CREB3L2: variants seen among roughly 807,000 people sequenced by gnomAD.
The protein encoded by CREB3L2 is cAMP responsive element binding protein 3 like 2.
In CREB3L2, 23 loss-of-function variants were observed where a neutral mutation model predicts 57.2. The ratio of observed to expected loss-of-function variants is 0.40; its 90% CI spans 0.29 to 0.57. CREB3L2 has a LOEUF of 0.57. CREB3L2 is among the 20% of genes least tolerant of loss of function. The pLI is 0.42. For missense variants in CREB3L2, 628 were observed against 634.7 expected (o/e 0.99, Z 0.11); for synonymous variants, 268 against 265.1 (o/e 1.01, Z -0.11).
chr7:137,964,510 T>C (rs1026388569), intron 1 of CREB3L2, among the ~76,000 whole-genome samples: 2 of 152,128 alleles, frequency 1.3e-5, no homozygotes, highest in East Asian at 1.9e-4. Flanking sequence ...TATTGACCCA[T>C]CAAATACAAA....
At chr7:137,919,355 A>G (rs1425985655) in intron 2 of CREB3L2, among the ~76,000 whole-genome samples, 2 of 152,078 alleles carry the variant, frequency 1.3e-5, no homozygotes, top group Admixed American at 1.3e-4. Context: ...TATTTTTAGT[A>G]GAGACGGGGT....
chr7:137,967,523 C>T (rs1442960154), intron 1 of CREB3L2, among the ~76,000 whole-genome samples: 1 of 152,162 alleles, frequency 6.6e-6, no homozygotes, highest in East Asian at 1.9e-4. Context: ...GTCACTCCCC[C>T]AACCCTAGCT....
chr7:137,997,098 G>A (rs1463989961), intron 1 of CREB3L2, among the ~76,000 whole-genome samples: 2 of 152,094 alleles, frequency 1.3e-5, no homozygotes, highest in African/African-American at 2.4e-5. Flanking sequence ...TTCATCCAAC[G>A]CCTCCACTGA....
chr7:137,929,870 A>C (rs887540956), intron 1 of CREB3L2, among the ~76,000 whole-genome samples: 1 of 149,700 alleles, frequency 6.7e-6, no homozygotes, highest in Admixed American at 6.6e-5. Context: ...CTCCATCTCA[A>C]AATAAATAAA....
At chr7:137,897,401 G>A (rs532335260) in intron 8 of CREB3L2, among the ~76,000 whole-genome samples, 4 of 152,208 alleles carry the variant, frequency 2.6e-5, no homozygotes, top group East Asian at 1.9e-4. Context: ...ACAGAGTCTC[G>A]CTCTGTCGCC....
At chr7:137,921,873 C>T (rs970937012) in intron 2 of CREB3L2, among the ~76,000 whole-genome samples, 2 of 152,060 alleles carry the variant, frequency 1.3e-5, no homozygotes, top group Non-Finnish European at 2.9e-5. Context: ...CAGGCCCAAG[C>T]GATCCTGCCG....
intron 2 of CREB3L2, among the ~76,000 whole-genome samples, chr7:137,917,993 C>T (rs1047789508): frequency 2.6e-5 from 4 of 152,058 alleles, no homozygotes; most frequent in South Asian, 2.1e-4. Context: ...GGACTCAGAC[C>T]GTGCCCCAGC....
At position 137,912,997 on chromosome 7, in the gene CREB3L2, T is replaced by C. The variant is rs757974765; in HGVS notation, c.577A>G (p.Lys193Glu). 1.9e-5 allele frequency: 30 copies of C among 1,613,732 alleles called. No homozygotes were observed. In the East Asian group the frequency reaches 3.8e-4, roughly 20 times the overall value. Reference sequence around the variant, plus strand: ...ACAGGGAGGGCAGACAGACCTTCTTTAGGAGAGAAGTTTAGAAACTGATCC... The same window carrying C: ...ACAGGGAGGGCAGACAGACCTTCTTCAGGAGAGAAGTTTAGAAACTGATCC... ...EVDQFLNFSP[K>E]EAPVDHLHLP... The change falls in exon 4 of 12, where the codon AAA (lysine) becomes GAA (glutamate). Residue 193 changes from lysine (K) to glutamate (E), a missense_variant. Lys to Glu is a moderately conservative substitution (Grantham distance 56). Transcript: ENST00000330387.
chr7:138,000,003 C>T lies in CREB3L2; in HGVS notation c.102+1601G>A, dbSNP rs574891007. 2.6e-5 allele frequency among the ~76,000 whole-genome samples: 4 copies of T among 152,284 alleles called. No homozygotes were observed. The South Asian group carries it at 8.3e-4, about 32-fold the overall frequency. On this transcript the variant is annotated intron_variant, in intron 1 of 11. Coordinates refer to ENST00000330387, the MANE Select transcript of CREB3L2 (RefSeq NM_194071.4). ...AAGCAGTTCTTCCCAGAGTGAATGC[C>T]ACAGTCACGGGTAGCATCTCGCACC...
At chr7:137,893,093 A>G (rs1799556110) in intron 8 of CREB3L2, among the ~76,000 whole-genome samples, 1 of 152,066 alleles carries the variant, frequency 6.6e-6, no homozygotes, top group South Asian at 2.1e-4. Flanking sequence ...AAGCGTATAA[A>G]TTTTCTCCTT....
At position 137,905,854 on chromosome 7, in the gene CREB3L2, C is replaced by T; in HGVS notation, c.769-6G>A. ...GGGCCTGATCCCTGCAGTTTCTGTG[C>T]AGACCAAGGAGCAGAAAAGGGTCAA... On this transcript the variant is annotated splice_polypyrimidine_tract_variant and splice_region_variant and intron_variant, in intron 5 of 11. Coordinates refer to ENST00000330387, the MANE Select transcript of CREB3L2 (RefSeq NM_194071.4). The T allele has an allele frequency of 6.3e-7, 1 of 1,599,662 alleles. No individual in the cohort carries two copies. The highest frequency in any genetic ancestry group is 1.1e-5 in the South Asian group (1 of 88,866).
intron 1 of CREB3L2, among the ~76,000 whole-genome samples, chr7:137,991,901 C>G (rs1485282444): frequency 1.1e-5 from 1 of 92,424 alleles, no homozygotes; most frequent in Non-Finnish European, 2.3e-5. Context: ...GAGCAAGACT[C>G]TGCCTCAAAA....
At chr7:137,964,032 C>T (rs538545310) in intron 1 of CREB3L2, among the ~76,000 whole-genome samples, 57 of 152,252 alleles carry the variant, frequency 3.7e-4, no homozygotes, top group Admixed American at 9.2e-4. Context: ...GAAACACTTG[C>T]GGCCAGGCGC....
intron 1 of CREB3L2, among the ~76,000 whole-genome samples, chr7:137,936,596 C>T (rs1585642396): frequency 6.6e-6 from 1 of 152,090 alleles, no homozygotes; most frequent in South Asian, 2.1e-4. Context: ...TGCCTGACAA[C>T]CTAATGCTCC....
rs994665432 is a variant in CREB3L2, at chr7:137,875,777, C to T, written c.*4699G>A. 49 of 223,964 alleles carry T rather than the reference C, an allele frequency of 2.2e-4. No homozygotes were observed. The highest frequency in any genetic ancestry group is 7.4e-4 in the Admixed American group (13 of 17,462). The allele number at this position is 223,964 out of a possible 1,614,324, so 13.9% of individuals were successfully genotyped here. ...ACCCTTGTTTTCCGTATCTATAAAACTGAAAGACTTAAAATTTACTTAGCA... is the reference window on the plus strand; with the variant it reads ...ACCCTTGTTTTCCGTATCTATAAAATTGAAAGACTTAAAATTTACTTAGCA... On this transcript the variant is annotated 3_prime_UTR_variant, in exon 12 of 12. Coordinates refer to ENST00000330387, the MANE Select transcript of CREB3L2 (RefSeq NM_194071.4).
At chr7:137,911,452 C>T (rs752736882) in intron 4 of CREB3L2, among the ~76,000 whole-genome samples, 3 of 152,154 alleles carry the variant, frequency 2.0e-5, no homozygotes, top group African/African-American at 7.2e-5. Context: ...ATTTATATAC[C>T]GTAGCAAATA....
At chr7:137,893,827 T>A (rs1255021805) in intron 8 of CREB3L2, among the ~76,000 whole-genome samples, 4 of 152,172 alleles carry the variant, frequency 2.6e-5, no homozygotes, top group African/African-American at 9.7e-5. Context: ...TTCTGTGAGG[T>A]CTGAGGAAAG....
At chr7:137,966,106 A>T (rs1236391387) in intron 1 of CREB3L2, among the ~76,000 whole-genome samples, 3 of 152,220 alleles carry the variant, frequency 2.0e-5, no homozygotes, top group African/African-American at 7.2e-5. Flanking sequence ...TTAGGTGAAC[A>T]GAAGTTGGGA....
At chr7:137,927,805 G>C (rs1050593061) in intron 2 of CREB3L2, among the ~76,000 whole-genome samples, 5 of 139,720 alleles carry the variant, frequency 3.6e-5, no homozygotes, top group African/African-American at 7.6e-5. Context: ...AAAAAAAATG[G>C]CATGACCCCT....
Sources: gnomAD v4.1 joint callset for allele counts (sites outside exome capture counted in the v4.1 genomes callset) on GRCh38, gnomAD v4.1.1 for gene constraint, MANE v1.5 for transcripts, NCBI Gene and HGNC (gene_info 2026-07-23, HGNC 2026-07-21) for gene names.